The following SPMIP11 variants were observed in gnomAD, a reference collection of about 807,000 sequenced individuals.
SPMIP11 encodes the protein sperm microtubule inner protein 11.
At chr12:48,754,868 T>C in the SPMIP11 span, among the ~76,000 whole-genome samples, 3 of 150,416 alleles carry the variant, frequency 2.0e-5, no homozygotes, top group Non-Finnish European at 4.5e-5. Context: ...CACTTCAGCC[T>C]CCCGAGTAGC....
At chr12:48,728,630 C>T in the SPMIP11 span, among the ~76,000 whole-genome samples, 4 of 149,406 alleles carry the variant, frequency 2.7e-5, no homozygotes, top group East Asian at 2.0e-4. Flanking sequence ...ATGGTGTGAA[C>T]CCGGGAGGCG....
At chr12:48,737,518 G>A in the SPMIP11 span, among the ~76,000 whole-genome samples, 11 of 151,080 alleles carry the variant, frequency 7.3e-5, no homozygotes, top group Admixed American at 2.6e-4. Flanking sequence ...GGGTTCAAGC[G>A]ATTCTCGTTA....
At chr12:48,737,813 A>G in the SPMIP11 span, among the ~76,000 whole-genome samples, 1 of 151,612 alleles carries the variant, frequency 6.6e-6, no homozygotes, top group Non-Finnish European at 1.5e-5. Context: ...TCTTGATATT[A>G]TTATCATTAT....
the SPMIP11 span, among the ~76,000 whole-genome samples, chr12:48,727,895 A>T: frequency 6.6e-6 from 1 of 152,022 alleles, no homozygotes; most frequent in African/African-American, 2.4e-5. Context: ...ATGAAAAGTT[A>T]CACAAATTAG....
At chr12:48,767,139 G>A in the SPMIP11 span, 1 of 152,666 alleles carries the variant, frequency 6.6e-6, no homozygotes, top group African/African-American at 2.4e-5. Context: ...CAGCCCCAAA[G>A]CATACCATGT....
chr12:48,738,894 T>C, the SPMIP11 span, among the ~76,000 whole-genome samples: 5 of 151,742 alleles, frequency 3.3e-5, no homozygotes, highest in South Asian at 1.0e-3. Flanking sequence ...TGTGGAAATA[T>C]GTGAAAACCA....
At chr12:48,768,317 T>C in the SPMIP11 span, 1 of 516,360 alleles carries the variant, frequency 1.9e-6, no homozygotes, top group Non-Finnish European at 3.5e-6. Context: ...TACTGACCCC[T>C]CCCCTGCTCC....
At chr12:48,754,024 G>A in the SPMIP11 span, among the ~76,000 whole-genome samples, 1 of 151,518 alleles carries the variant, frequency 6.6e-6, no homozygotes, top group African/African-American at 2.4e-5. Flanking sequence ...AGCATAAGTG[G>A]CACAATTCAA....
the SPMIP11 span, among the ~76,000 whole-genome samples, chr12:48,747,860 C>T: frequency 4.9e-4 from 74 of 152,288 alleles, no homozygotes; most frequent in Middle Eastern, 6.8e-3. Flanking sequence ...CATTATAAGG[C>T]CATGAAAAGT....
the SPMIP11 span, chr12:48,765,562 C>G: frequency 1.3e-5 from 9 of 702,648 alleles, no homozygotes; most frequent in Middle Eastern, 1.4e-3. Flanking sequence ...CTCCTGCTCT[C>G]CAGCCTGGCC....
chr12:48,760,110 T>C, the SPMIP11 span, among the ~76,000 whole-genome samples: 2 of 151,930 alleles, frequency 1.3e-5, no homozygotes, highest in Non-Finnish European at 2.9e-5. Context: ...AAATGAAATT[T>C]GAATTAGACT....
chr12:48,751,039 G>A, the SPMIP11 span, among the ~76,000 whole-genome samples: 1 of 152,014 alleles, frequency 6.6e-6, no homozygotes, highest in Non-Finnish European at 1.5e-5. Context: ...TTACTATCAT[G>A]ATATTTTTAA....
the SPMIP11 span, among the ~76,000 whole-genome samples, chr12:48,738,578 A>C: frequency 6.7e-6 from 1 of 148,774 alleles, no homozygotes; most frequent in African/African-American, 2.5e-5. Context: ...TCTGTCCTCC[A>C]GGCTGGAGTC....
the SPMIP11 span, among the ~76,000 whole-genome samples, chr12:48,756,743 C>T: frequency 2.6e-5 from 4 of 151,086 alleles, no homozygotes; most frequent in African/African-American, 7.3e-5. Flanking sequence ...GCACTGAAAA[C>T]GTCAGATGCA....
the SPMIP11 span, among the ~76,000 whole-genome samples, chr12:48,744,541 C>G: frequency 1.3e-5 from 2 of 152,080 alleles, no homozygotes; most frequent in African/African-American, 4.8e-5. Flanking sequence ...TGAGGCCAGC[C>G]TGGCCAACAT....
chr12:48,769,765 T>G, the SPMIP11 span, among the ~76,000 whole-genome samples: 27 of 149,880 alleles, frequency 1.8e-4, no homozygotes, highest in Middle Eastern at 3.2e-3. Flanking sequence ...TTTTGTTTTT[T>G]TTTTTTTTTT....
chr12:48,764,569 C>A, the SPMIP11 span, among the ~76,000 whole-genome samples: 2 of 152,164 alleles, frequency 1.3e-5, no homozygotes, highest in African/African-American at 4.8e-5. Flanking sequence ...AGTGGGTTGA[C>A]CACTTGTTTT....
the SPMIP11 span, among the ~76,000 whole-genome samples, chr12:48,737,401 T>G: frequency 6.6e-6 from 1 of 151,668 alleles, no homozygotes; most frequent in Non-Finnish European, 1.5e-5. Context: ...TGAGAAATTT[T>G]ATTTTAATTT....
chr12:48,756,649 C>A, the SPMIP11 span, among the ~76,000 whole-genome samples: 6 of 152,116 alleles, frequency 3.9e-5, no homozygotes, highest in Admixed American at 3.9e-4. Context: ...GTAAACTGAT[C>A]CAGTTCCTGA....
Sources: allele counts gnomAD v4.1 joint callset (sites outside exome capture counted in the v4.1 genomes callset), GRCh38; gene constraint gnomAD v4.1.1; transcripts MANE v1.5; gene names NCBI Gene and HGNC (gene_info 2026-07-23, HGNC 2026-07-21).